KCNAB1: variants seen among roughly 807,000 people sequenced by gnomAD.
KCNAB1 encodes potassium voltage-gated channel subfamily A regulatory beta subunit 1.
A neutral mutation model predicts 64.6 loss-of-function variants in KCNAB1; 35 were observed. That is an observed-to-expected ratio of 0.54 (90% CI 0.41 to 0.72). KCNAB1 has a LOEUF of 0.72. KCNAB1 is among the 30% of genes least tolerant of loss of function. KCNAB1 has a pLI of 0.00. For missense variants in KCNAB1, 401 were observed against 512.9 expected (o/e 0.78, Z 2.11); for synonymous variants, 177 against 183.8 (o/e 0.96, Z 0.30).
intron 8 of KCNAB1, among the ~76,000 whole-genome samples, chr3:156,507,369 C>T (rs149098405): frequency 1.1e-3 from 165 of 152,304 alleles, no homozygotes; most frequent in African/African-American, 3.8e-3. Context: ...AACAATGTCT[C>T]CTGCATCCTA....
At chr3:156,123,629 A>G (rs1713477595) in intron 1 of KCNAB1, among the ~76,000 whole-genome samples, 5 of 152,174 alleles carry the variant, frequency 3.3e-5, no homozygotes, top group Admixed American at 2.6e-4. Flanking sequence ...AATCTAATAT[A>G]CTTTGCTTAA....
chr3:156,423,661 T>C (rs1193813170), intron 2 of KCNAB1, among the ~76,000 whole-genome samples: 2 of 152,238 alleles, frequency 1.3e-5, no homozygotes, highest in Non-Finnish European at 2.9e-5. Flanking sequence ...TGTGTTTTTC[T>C]TCTAGACATG....
intron 11 of KCNAB1, among the ~76,000 whole-genome samples, chr3:156,522,962 A>T (rs1425557097): frequency 6.6e-6 from 1 of 152,210 alleles, no homozygotes; most frequent in African/African-American, 2.4e-5. Flanking sequence ...GTTGCTGCTT[A>T]AGTGCTCGCT....
chr3:156,372,861 G>A (rs180945899), intron 1 of KCNAB1, among the ~76,000 whole-genome samples: 1 of 152,294 alleles, frequency 6.6e-6, no homozygotes, highest in East Asian at 1.9e-4. Flanking sequence ...GAATGCCACC[G>A]AAACTTTAAA....
intron 1 of KCNAB1, among the ~76,000 whole-genome samples, chr3:156,369,318 T>C (rs1204209630): frequency 6.6e-6 from 1 of 152,272 alleles, no homozygotes; most frequent in East Asian, 1.9e-4. Flanking sequence ...TGTACGAATA[T>C]ACCACAGTTT....
chr3:156,526,696 T>G (rs1718331198), intron 12 of KCNAB1, among the ~76,000 whole-genome samples: 1 of 152,170 alleles, frequency 6.6e-6, no homozygotes. Context: ...TCTTGTCTCC[T>G]TCATCACCAT....
chr3:156,470,533 CT>C (rs1713807499), intron 7 of KCNAB1, among the ~76,000 whole-genome samples: 1 of 152,166 alleles, frequency 6.6e-6, no homozygotes, highest in Admixed American at 6.5e-5. Context: ...AAATACATTC[CT>C]TTAGTGCCTA....
chr3:156,500,158 T>C (rs998275036), intron 8 of KCNAB1, among the ~76,000 whole-genome samples: 2 of 152,142 alleles, frequency 1.3e-5, no homozygotes, highest in Non-Finnish European at 1.5e-5. Context: ...ATCTCAGAAG[T>C]CTTTCTTGGA....
At chr3:156,303,763 G>A (rs1444878233) in intron 1 of KCNAB1, among the ~76,000 whole-genome samples, 1 of 152,146 alleles carries the variant, frequency 6.6e-6, no homozygotes, top group Admixed American at 6.5e-5. Flanking sequence ...GGATAGTAAG[G>A]GGAAGAGCCT....
chr3:156,177,628 T>C (rs960731159), intron 1 of KCNAB1, among the ~76,000 whole-genome samples: 25 of 152,010 alleles, frequency 1.6e-4, no homozygotes, highest in African/African-American at 5.1e-4. Flanking sequence ...CCGCCCGCCT[T>C]GGCCTCCCAA....
rs56259743 is a variant in KCNAB1 at position 156,439,224 on chromosome 3, A to AT, written c.320-13651dup. Among the ~76,000 whole-genome samples the AT allele has an allele frequency of 9.6e-3, 1,103 of 114,980 alleles. 3 individuals are homozygous for AT. Among genetic ancestry groups the AT allele is most frequent in the East Asian group, 0.051 (200 of 3,910 alleles). 75.4% of individuals were successfully genotyped at this position (114,980 alleles called of 152,430 possible). A position where few individuals can be genotyped will look rare whatever the true frequency, so the allele number is the denominator to read the frequency against. The stretch of plus-strand genomic sequence containing the variant: ...AAAAGTGTTAATTTGCATCATTGTG[A>AT]TTTTTTTTTTTTTTTTTTTTTTTTG... On this transcript the variant is annotated intron_variant, in intron 2 of 13. Transcript: ENST00000490337.
rs1327846224 is a variant in KCNAB1, at chr3:156,537,230, T to G, written c.*483T>G. ...GTTAAGTAAATAGTTATTAAAAATA[T>G]ATCTCACTGCAAAAAAAAAAAAGCA... is the stretch of plus-strand genomic sequence containing the variant. On this transcript the variant is annotated 3_prime_UTR_variant, in exon 14 of 14. Coordinates refer to ENST00000490337, the MANE Select transcript of KCNAB1 (RefSeq NM_172160.3). 1.2e-5 allele frequency: 4 copies of G among 335,382 alleles called. No individual in the cohort carries two copies. Among genetic ancestry groups the G allele is most frequent in the Admixed American group, 6.5e-5 (1 of 15,318 alleles). 20.8% of individuals were successfully genotyped at this position (335,382 alleles called of 1,614,324 possible). A position where few individuals can be genotyped will look rare whatever the true frequency, so the allele number is the denominator to read the frequency against.
chr3:156,431,138 G>T (rs1461122194), intron 2 of KCNAB1, among the ~76,000 whole-genome samples: 2 of 152,144 alleles, frequency 1.3e-5, no homozygotes, highest in Admixed American at 1.3e-4. Context: ...AGCTCCTAGT[G>T]CCTGCCTTTC....
At chr3:156,519,478 G>A (rs1480301762) in intron 11 of KCNAB1, among the ~76,000 whole-genome samples, 4 of 152,140 alleles carry the variant, frequency 2.6e-5, no homozygotes, top group African/African-American at 7.2e-5. Flanking sequence ...AAGCTTGGTT[G>A]TCTTCCTCTC....
At chr3:156,290,216 G>T (rs1257066539) in intron 1 of KCNAB1, among the ~76,000 whole-genome samples, 1 of 152,200 alleles carries the variant, frequency 6.6e-6, no homozygotes, top group Non-Finnish European at 1.5e-5. Flanking sequence ...ACCCTTTAAG[G>T]CTGAATATTT....
chr3:156,484,102 G>A (rs780653522), intron 8 of KCNAB1, among the ~76,000 whole-genome samples: 1 of 152,102 alleles, frequency 6.6e-6, no homozygotes, highest in Non-Finnish European at 1.5e-5. Context: ...AGAAGGATAT[G>A]CTTATATGCT....
chr3:156,312,469 C>A (rs927141739), intron 1 of KCNAB1, among the ~76,000 whole-genome samples: 1 of 151,982 alleles, frequency 6.6e-6, no homozygotes, highest in Admixed American at 6.6e-5. Flanking sequence ...ACCAGCACTT[C>A]GGGAGGCCGA....
chr3:156,401,687 T>C (rs1257521780), intron 1 of KCNAB1, among the ~76,000 whole-genome samples: 2 of 152,166 alleles, frequency 1.3e-5, no homozygotes, highest in African/African-American at 4.8e-5. Context: ...ATCTGCCTTT[T>C]CTCTTTTTTC....
rs1382903311 is a variant in KCNAB1 at position 156,395,543 on chromosome 3, TCAAAAAAAAAAAAAAA to T, written c.276-26072_276-26057del. Among the ~76,000 whole-genome samples the T allele has an allele frequency of 4.7e-4, 4 of 8,434 alleles. No individual in the cohort carries two copies. The Admixed American group carries it at 0.011, about 23-fold the overall frequency. 5.5% of individuals were successfully genotyped at this position (8,434 alleles called of 152,430 possible). A position where few individuals can be genotyped will look rare whatever the true frequency, so the allele number is the denominator to read the frequency against. ...CTGGGCGACAGAGCGAGACTCCGTC[TCAAAAAAAAAAAAAAA>T]AAAAAAAAAAAAAAAAAAAAAAAAA... On this transcript the variant is annotated intron_variant, in intron 1 of 13. Coordinates refer to ENST00000490337, the MANE Select transcript of KCNAB1 (RefSeq NM_172160.3).
Sources: allele counts gnomAD v4.1 joint callset (sites outside exome capture counted in the v4.1 genomes callset), GRCh38; gene constraint gnomAD v4.1.1; transcripts MANE v1.5; gene names NCBI Gene and HGNC (gene_info 2026-07-23, HGNC 2026-07-21).